Variants in DENND2B observed in about 807,000 individuals in gnomAD.
DENND2B encodes DENN domain-containing protein 2B.
Under a neutral mutation model 116.0 loss-of-function variants are expected in DENND2B, and 32 were observed. The ratio of observed to expected loss-of-function variants is 0.28; its 90% confidence interval spans 0.21 to 0.37. DENND2B has a LOEUF of 0.37. DENND2B is among the 10% of genes least tolerant of loss of function. DENND2B has a pLI of 1.00. For synonymous variants in DENND2B, 588 were observed against 583.9 expected, an observed-to-expected ratio of 1.01 and a Z score of -0.10; for missense variants, 1,276 against 1,477.7, an observed-to-expected ratio of 0.86 and a Z score of 2.24.
chr11:8,699,387 G>A lies in DENND2B; in HGVS notation c.2724C>T (p.Thr908=), dbSNP rs914283824. Residue 908 remains threonine, a synonymous_variant, in exon 15 of 20, where the codon ACC becomes ACT. Coordinates refer to ENST00000313726, the MANE Select transcript of DENND2B (RefSeq NM_213618.2). ...RVIFVADKLS[T]LSSCSHAVVA... is the part of the protein sequence containing the mutation. ...CCACCGCGTGGGAGCAGCTGGAGAG[G>A]GTACTGATGGGCAGACAGAGAGACA... 3.1e-6 allele frequency: 5 copies of A among 1,594,586 alleles called. No homozygotes were observed. Among genetic ancestry groups the A allele is most frequent in the African/African-American group, 2.7e-5 (2 of 73,548 alleles).
chr11:8,824,296 C>T (rs2134556646), intron 4 of DENND2B, among the ~76,000 whole-genome samples: 1 of 152,044 alleles, frequency 6.6e-6, no homozygotes, highest in Middle Eastern at 3.4e-3. Context: ...TATTTGATCA[C>T]CCAGGTATTA....
At chr11:8,696,722 T>C in intron 17 of DENND2B, 56 bp from the exon 18 acceptor site, 1 of 1,595,126 alleles carries the variant, frequency 6.3e-7, no homozygotes, top group Admixed American at 1.7e-5. Flanking sequence ...AAAGCCTTCC[T>C]CAATCTTCCT....
chr11:8,771,555 G>GAGAGAGAT (rs2056877851), intron 1 of DENND2B: 1 of 150,784 alleles, frequency 6.6e-6, no homozygotes, highest in South Asian at 2.1e-4. Flanking sequence ...GAGAGAGAGA[G>GAGAGAGAT]AGAGAGAGAG....
intron 3 of DENND2B, among the ~76,000 whole-genome samples, chr11:8,852,503 G>GA (rs1186227784): frequency 1.3e-5 from 2 of 152,052 alleles, no homozygotes; most frequent in African/African-American, 4.8e-5. Context: ...TAAGAGAAAA[G>GA]AAAAAACAAA....
chr11:8,901,226 TTTC>T (rs1457899101), intron 1 of DENND2B, among the ~76,000 whole-genome samples: 5 of 58,132 alleles, frequency 8.6e-5, no homozygotes, highest in East Asian at 9.2e-4. Context: ...TTTCTTTTCT[TTTC>T]TTTTTTTTTT....
intron 3 of DENND2B, among the ~76,000 whole-genome samples, chr11:8,726,750 C>T (rs1339948750): frequency 6.6e-6 from 1 of 152,208 alleles, no homozygotes; most frequent in Non-Finnish European, 1.5e-5. Context: ...CTGGGGACTC[C>T]TGCCACTGCA....
intron 3 of DENND2B, among the ~76,000 whole-genome samples, chr11:8,846,289 A>C (rs1372175275): frequency 6.6e-6 from 1 of 152,146 alleles, no homozygotes; most frequent in Non-Finnish European, 1.5e-5. Flanking sequence ...GTGTGGTATG[A>C]AGGAATAAAT....
intron 2 of DENND2B, among the ~76,000 whole-genome samples, chr11:8,863,406 T>C (rs1004872111): frequency 6.7e-6 from 1 of 149,492 alleles, no homozygotes; most frequent in African/African-American, 2.5e-5. Flanking sequence ...CTAATTTTTT[T>C]GTATTTTTAG....
At chr11:8,832,275 A>T (rs917259261) in intron 4 of DENND2B, among the ~76,000 whole-genome samples, 4 of 152,068 alleles carry the variant, frequency 2.6e-5, no homozygotes, top group Non-Finnish European at 5.9e-5. Context: ...ACACGGTGAA[A>T]CCCCGTCTCT....
At chr11:8,884,920 A>C (rs1429628570) in intron 1 of DENND2B, among the ~76,000 whole-genome samples, 1 of 152,206 alleles carries the variant, frequency 6.6e-6, no homozygotes, top group East Asian at 1.9e-4. Flanking sequence ...AAAGAGAGGA[A>C]AGGAAGATGG....
At chr11:8,736,775 G>C (rs1200364162) in intron 2 of DENND2B, among the ~76,000 whole-genome samples, 1 of 152,188 alleles carries the variant, frequency 6.6e-6, no homozygotes, top group Non-Finnish European at 1.5e-5. Flanking sequence ...GTGTGGGCTG[G>C]AGATGAGCCT....
At chr11:8,896,243 T>C (rs2134751294) in intron 1 of DENND2B, among the ~76,000 whole-genome samples, 1 of 152,250 alleles carries the variant, frequency 6.6e-6, no homozygotes, top group Non-Finnish European at 1.5e-5. Flanking sequence ...AGAAGAGGTT[T>C]AATAAATGTC....
In DENND2B at chr11:8,877,761, T is replaced by C. The variant is rs1463668298; in HGVS notation, c.-156+3249A>G. 2.6e-5 allele frequency among the ~76,000 whole-genome samples: 4 copies of C among 152,190 alleles called. No homozygotes were observed. The South Asian group carries it at 8.3e-4, about 31-fold the overall frequency. On this transcript the variant is annotated intron_variant, in intron 2 of 22. Coordinates refer to the DENND2B transcript ENST00000534127. ...ATCTTACTGGCAAAACAGAAATCCATAGTTCCCCCCCAAAAAAATCACGAT... is the reference window on the plus strand; with the variant it reads ...ATCTTACTGGCAAAACAGAAATCCACAGTTCCCCCCCAAAAAAATCACGAT...
intron 2 of DENND2B, among the ~76,000 whole-genome samples, chr11:8,865,221 G>C (rs529636749): frequency 1.3e-5 from 2 of 152,122 alleles, no homozygotes; most frequent in Non-Finnish European, 2.9e-5. Context: ...GTGCAATCTC[G>C]CAAAGGCTGG....
chr11:8,804,869 T>G (rs1234327733), intron 1 of DENND2B, among the ~76,000 whole-genome samples: 1 of 152,186 alleles, frequency 6.6e-6, no homozygotes, highest in Non-Finnish European at 1.5e-5. Flanking sequence ...AAGAAGAATC[T>G]GGTTTGTTCC....
chr11:8,754,879 G>A (rs1176269036), intron 1 of DENND2B, among the ~76,000 whole-genome samples: 3 of 152,226 alleles, frequency 2.0e-5, no homozygotes, highest in Non-Finnish European at 4.4e-5. Context: ...GTGGCAGAAT[G>A]GGACATGGCT....
chr11:8,841,123 A>G (rs2062608847), intron 3 of DENND2B, among the ~76,000 whole-genome samples: 2 of 152,182 alleles, frequency 1.3e-5, no homozygotes, highest in Admixed American at 6.5e-5. Flanking sequence ...ACCTAACTAT[A>G]TAATAGACAA....
At chr11:8,768,403 T>C (rs575315216) in intron 1 of DENND2B, among the ~76,000 whole-genome samples, 14 of 152,178 alleles carry the variant, frequency 9.2e-5, no homozygotes, top group South Asian at 4.2e-4. Flanking sequence ...CATGTAACCA[T>C]AGCCAGCTAA....
chr11:8,775,211 G>A (rs1310235255), intron 1 of DENND2B, among the ~76,000 whole-genome samples: 1 of 152,090 alleles, frequency 6.6e-6, no homozygotes, highest in Non-Finnish European at 1.5e-5. Flanking sequence ...GGATGGACTA[G>A]AGACCAAGGA....
Sources: gnomAD v4.1 joint callset for allele counts (sites outside exome capture counted in the v4.1 genomes callset) on GRCh38, gnomAD v4.1.1 for gene constraint, MANE v1.5 for transcripts, NCBI Gene and HGNC (gene_info 2026-07-23, HGNC 2026-07-21) for gene names.